The following F13A1 variants were observed in gnomAD, a reference collection of about 807,000 sequenced individuals.
F13A1 encodes the protein coagulation factor XIII A chain.
F13A1 carries 47 observed loss-of-function variants against 80.1 expected under a neutral mutation model. The ratio of observed to expected loss-of-function variants is 0.59; its 90% CI spans 0.46 to 0.75. The LOEUF is 0.75. Ranked by LOEUF, F13A1 falls within the 30% of genes least tolerant of loss-of-function variation. F13A1 has a pLI of 0.00. For missense variants in F13A1, 817 were observed against 930.4 expected, an observed-to-expected ratio of 0.88 and a Z score of 1.59; for synonymous variants, 349 against 344.9, an observed-to-expected ratio of 1.01 and a Z score of -0.13.
At chr6:6,211,811 G>T (rs1177938440) in intron 8 of F13A1, among the ~76,000 whole-genome samples, 1 of 152,242 alleles carries the variant, frequency 6.6e-6, no homozygotes, top group Non-Finnish European at 1.5e-5. Flanking sequence ...GCGCAGGTTA[G>T]TGGGTGCGCG....
chr6:6,240,415 G>A (rs571872464), intron 6 of F13A1, among the ~76,000 whole-genome samples: 2 of 152,226 alleles, frequency 1.3e-5, no homozygotes, highest in East Asian at 1.9e-4. Flanking sequence ...GACAGGACAT[G>A]TAAAAGGCAT....
At chr6:6,164,956 G>A (rs376974458) in intron 13 of F13A1, among the ~76,000 whole-genome samples, 51 of 151,944 alleles carry the variant, frequency 3.4e-4, no homozygotes, top group African/African-American at 1.1e-3. Flanking sequence ...TCACAGCTCC[G>A]TGACTCCTGG....
At position 6,247,755 on chromosome 6, in the gene F13A1, C is replaced by T. The variant is rs137995102; in HGVS notation, c.798+557G>A. Reference sequence around the variant, plus strand: ...AAGCTGTCCTTACCCTGTGTCCTAACTTGTAAAAGTGCATGAGTAATGGCT... The same window carrying T: ...AAGCTGTCCTTACCCTGTGTCCTAATTTGTAAAAGTGCATGAGTAATGGCT... On this transcript the variant is annotated intron_variant, in intron 6 of 14. Transcript: ENST00000264870. 2.6e-4 allele frequency among the ~76,000 whole-genome samples: 39 copies of T among 152,314 alleles called. 1 individual carries two copies. The East Asian group carries it at 7.3e-3, about 29-fold the overall frequency.
intron 14 of F13A1, among the ~76,000 whole-genome samples, chr6:6,149,724 T>C (rs142761909): frequency 9.0e-4 from 137 of 152,350 alleles, no homozygotes; most frequent in African/African-American, 3.2e-3. Flanking sequence ...ACCCAGTCTA[T>C]GGCATTTCTG....
At chr6:6,196,413 C>T (rs1293804095) in intron 9 of F13A1, among the ~76,000 whole-genome samples, 2 of 152,160 alleles carry the variant, frequency 1.3e-5, no homozygotes, top group African/African-American at 2.4e-5. Context: ...TTTTAACCAC[C>T]TATCTATATA....
chr6:6,169,278 C>T (rs149668452), intron 12 of F13A1: 9 of 152,682 alleles, frequency 5.9e-5, no homozygotes, highest in African/African-American at 1.9e-4. Context: ...GCTTTCCAGT[C>T]CAGGTCTTTG....
At position 6,237,869 on chromosome 6, in the gene F13A1, G is replaced by C. The variant is rs535247525; in HGVS notation, c.798+10443C>G. Among the ~76,000 whole-genome samples, 9 of 152,336 alleles carry C rather than the reference G, an allele frequency of 5.9e-5. No individual in the cohort carries two copies. In the South Asian group the frequency reaches 1.2e-3, roughly 21 times the overall value. ...ATGAATGGATGTGCTATCACTGGAA[G>C]ATGGCTATAGGCTACATTTTAATAC... On this transcript the variant is annotated intron_variant, in intron 6 of 14. Coordinates refer to ENST00000264870, the MANE Select transcript of F13A1 (RefSeq NM_000129.4).
At chr6:6,197,940 C>T (rs926747279) in intron 8 of F13A1, among the ~76,000 whole-genome samples, 1 of 85,054 alleles carries the variant, frequency 1.2e-5, no homozygotes, top group African/African-American at 8.0e-5. Context: ...TTTCTGCTGA[C>T]TAACGAAACA....
In F13A1 at chr6:6,167,460, T is replaced by G; in HGVS notation, c.1906A>C (p.Lys636Gln). 1.2e-6 allele frequency: 2 copies of G among 1,613,852 alleles called. No individual in the cohort carries two copies. Among genetic ancestry groups the G allele is most frequent in the African/African-American group, 2.7e-5 (2 of 74,932 alleles). ...CAGGATGAGACGCTAAGACTGACCTTGATGATGATCTCAGGGATGGTTAGC... is the reference window on the plus strand; with the variant it reads ...CAGGATGAGACGCTAAGACTGACCTGGATGATGATCTCAGGGATGGTTAGC... ...TVLTIPEIII[K>Q]VRGTQVVGSD... The change falls in exon 13 of 15, where the codon AAG (lysine) becomes CAG (glutamine). Residue 636 changes from lysine to glutamine, a missense_variant and splice_region_variant. Coordinates refer to ENST00000264870, the MANE Select transcript of F13A1 (RefSeq NM_000129.4).
chr6:6,200,280 T>G (rs1047249860), intron 8 of F13A1, among the ~76,000 whole-genome samples: 1 of 152,046 alleles, frequency 6.6e-6, no homozygotes, highest in African/African-American at 2.4e-5. Flanking sequence ...TAAGAGTGAC[T>G]TAGAGGCTGG....
In F13A1 at chr6:6,145,564, T is replaced by G. The variant is rs1485401157; in HGVS notation, c.*55A>C. The G allele has an allele frequency of 1.2e-6, 2 of 1,612,748 alleles. No individual in the cohort carries two copies. Among genetic ancestry groups the G allele is most frequent in the East Asian group, 4.5e-5 (2 of 44,856 alleles). ...GAGCTATTTTTGCGTTAGAATTTCC[T>G]TAGCCAAGACTACAAGAGGCCAAAT... On this transcript the variant is annotated 3_prime_UTR_variant, in exon 15 of 15. Coordinates refer to ENST00000264870, the MANE Select transcript of F13A1 (RefSeq NM_000129.4).
At chr6:6,313,016 A>G (rs1286051618) in intron 2 of F13A1, among the ~76,000 whole-genome samples, 1 of 152,230 alleles carries the variant, frequency 6.6e-6, no homozygotes, top group East Asian at 1.9e-4. Context: ...ACTGTATAAA[A>G]TATGAACATA....
At chr6:6,232,858 G>A (rs1757370630) in intron 6 of F13A1, among the ~76,000 whole-genome samples, 1 of 151,876 alleles carries the variant, frequency 6.6e-6, no homozygotes. Flanking sequence ...ATGAGCATTG[G>A]GTCAAAAACA....
Position 6,318,637 on chromosome 6 carries a change from CA to C in F13A1, c.27del (p.Phe9LeufsTer67), listed in dbSNP as rs763797788. MSETSRTA[F>X]GGRRAVPPNN... ...TTGGGTGGAACTGCTCTTCTGCCTC[CA>C]AAGGCGGTCCTGGAAGTTTCTGACA... On this transcript the variant is annotated frameshift_variant, in exon 2 of 15. Coordinates refer to ENST00000264870, the MANE Select transcript of F13A1 (RefSeq NM_000129.4). LOFTEE classifies it high-confidence loss of function. The C allele has an allele frequency of 4.4e-5, 71 of 1,608,958 alleles. No individual in the cohort carries two copies. The highest frequency in any genetic ancestry group is 5.6e-5 in the Non-Finnish European group (66 of 1,178,636).
rs994956168 is a variant in F13A1, at chr6:6,190,508, T to TA, written c.1305+5288_1305+5289insT. Among the ~76,000 whole-genome samples the TA allele has an allele frequency of 8.7e-4, 131 of 150,486 alleles. 1 individual carries two copies. Among genetic ancestry groups the TA allele is most frequent in the African/African-American group, 3.1e-3 (128 of 41,398 alleles). On this transcript the variant is annotated intron_variant, in intron 10 of 14. Transcript: ENST00000264870. ...GTGTAAGGTGTCAGTGTTCCCCTGC[T>TA]GGGGGGTGCCTCCCAGTTAGGCTGC... is the stretch of plus-strand genomic sequence containing the variant.
In F13A1 at chr6:6,243,247, CCAT is replaced by C. The variant is rs537870641; in HGVS notation, c.798+5062_798+5064del. Among the ~76,000 whole-genome samples the C allele has an allele frequency of 1.8e-4, 27 of 151,588 alleles. No individual in the cohort carries two copies. Among genetic ancestry groups the C allele is most frequent in the African/African-American group, 6.1e-4 (25 of 41,294 alleles). ...ATCACCGTCACCATCTCCACCACCA[CCAT>C]CACCATCATCATCACTATCACCACC... On this transcript the variant is annotated intron_variant, in intron 6 of 14. Coordinates refer to ENST00000264870, the MANE Select transcript of F13A1 (RefSeq NM_000129.4). The surrounding 1 kb of genome is among the most constrained non-coding windows in gnomAD (Gnocchi z 4.2).
chr6:6,173,439 G>T (rs143917692), intron 12 of F13A1, among the ~76,000 whole-genome samples: 2 of 140,020 alleles, frequency 1.4e-5, no homozygotes, highest in African/African-American at 2.7e-5. Flanking sequence ...ACGGAGTATC[G>T]CTCAGTCACC....
At chr6:6,298,938 G>A (rs990543157) in intron 3 of F13A1, among the ~76,000 whole-genome samples, 4 of 148,394 alleles carry the variant, frequency 2.7e-5, no homozygotes, top group Admixed American at 6.7e-5. Flanking sequence ...TTTTAGGGCA[G>A]GCCTGGTGGT....
At chr6:6,197,134 G>A in intron 9 of F13A1, 89 bp downstream of exon 9, 1 of 1,227,296 alleles carries the variant, frequency 8.1e-7, no homozygotes, top group Non-Finnish European at 1.2e-6. Flanking sequence ...CCTCCCAATG[G>A]GCGTGGTTCC....
Sources: gnomAD v4.1 joint callset for allele counts (sites outside exome capture counted in the v4.1 genomes callset) on GRCh38, gnomAD v4.1.1 for gene constraint, Gnocchi (gnomAD v3.1) non-coding constraint, MANE v1.5 for transcripts, NCBI Gene and HGNC (gene_info 2026-07-23, HGNC 2026-07-21) for gene names.